The following PRKG1 variants were observed in gnomAD, a reference collection of about 807,000 sequenced individuals.
PRKG1 encodes the protein cGMP-dependent protein kinase 1.
A neutral mutation model predicts 88.1 loss-of-function variants in PRKG1; 35 were observed. That is an observed-to-expected ratio of 0.40 (90% CI 0.30 to 0.53). The LOEUF is 0.53. Among genes scored for constraint, PRKG1 ranks in the 20% least tolerant of loss-of-function variants. The pLI is 0.59. For synonymous variants in PRKG1, 303 were observed against 292.5 expected (o/e 1.04, Z -0.37); for missense variants, 540 against 839.8 (o/e 0.64, Z 4.41).
intron 1 of PRKG1, among the ~76,000 whole-genome samples, chr10:51,039,873 C>T (rs550303064): frequency 7.2e-5 from 11 of 152,128 alleles, no homozygotes; most frequent in East Asian, 5.8e-4. Flanking sequence ...GTGTCGGAAG[C>T]GAATTCACTG....
chr10:52,122,503 C>A (rs1847843291), intron 7 of PRKG1, among the ~76,000 whole-genome samples: 1 of 152,138 alleles, frequency 6.6e-6, no homozygotes, highest in South Asian at 2.1e-4. Context: ...TGTCTGAAAA[C>A]CACCAGATTT....
chr10:52,141,459 C>T (rs1173820754), intron 8 of PRKG1, among the ~76,000 whole-genome samples: 1 of 152,040 alleles, frequency 6.6e-6, no homozygotes, highest in Non-Finnish European at 1.5e-5. Context: ...GACTGGGATG[C>T]CCAGACTGTT....
In PRKG1 at chr10:51,900,824, C is replaced by T. The variant is rs1341503479; in HGVS notation, c.699-6683C>T. Among the ~76,000 whole-genome samples, 8 of 152,072 alleles carry T rather than the reference C, an allele frequency of 5.3e-5. No homozygotes were observed. The South Asian group carries it at 8.3e-4, about 16-fold the overall frequency. ...TGTTCCATGAAAAAAGTGGCTAACTCGGCTTGTAACTCCAACAACCATTCA... is the reference window on the plus strand; with the variant it reads ...TGTTCCATGAAAAAAGTGGCTAACTTGGCTTGTAACTCCAACAACCATTCA... On this transcript the variant is annotated intron_variant, in intron 4 of 17. Transcript: ENST00000373980.
chr10:51,979,413 T>TTTTG (rs1340880165), intron 5 of PRKG1, among the ~76,000 whole-genome samples: 2 of 131,956 alleles, frequency 1.5e-5, no homozygotes, highest in East Asian at 4.4e-4. Context: ...TTGGTCTGTT[T>TTTTG]TTTTTTTTTT....
At chr10:51,040,300 T>C (rs1019423177) in intron 1 of PRKG1, among the ~76,000 whole-genome samples, 2 of 144,788 alleles carry the variant, frequency 1.4e-5, no homozygotes, top group African/African-American at 5.0e-5. Flanking sequence ...CTTGCTTTTT[T>C]TTCTTTTTCT....
At chr10:51,978,110 A>G (rs1261218240) in intron 5 of PRKG1, among the ~76,000 whole-genome samples, 1 of 151,880 alleles carries the variant, frequency 6.6e-6, no homozygotes, top group Non-Finnish European at 1.5e-5. Context: ...TGAGTTTTAC[A>G]TTTAAGTCTT....
intron 2 of PRKG1, among the ~76,000 whole-genome samples, chr10:51,211,405 C>G (rs1838216449): frequency 1.3e-5 from 2 of 152,150 alleles, no homozygotes; most frequent in African/African-American, 4.8e-5. Context: ...AAAACTGGCA[C>G]AAGACAGGGA....
chr10:51,497,765 T>G (rs1470920346), intron 3 of PRKG1, among the ~76,000 whole-genome samples: 1 of 152,180 alleles, frequency 6.6e-6, no homozygotes, highest in African/African-American at 2.4e-5. Flanking sequence ...AAAATCTAAC[T>G]CTCACGGGAC....
At chr10:51,526,450 G>T (rs1157901025) in intron 3 of PRKG1, among the ~76,000 whole-genome samples, 2 of 152,108 alleles carry the variant, frequency 1.3e-5, no homozygotes, top group African/African-American at 2.4e-5. Flanking sequence ...CACATTTGTC[G>T]TGGTTCACAC....
intron 5 of PRKG1, among the ~76,000 whole-genome samples, chr10:52,022,765 C>T (rs73341244): frequency 0.013 from 2,014 of 152,024 alleles, 55 homozygotes; most frequent in African/African-American, 0.046. Flanking sequence ...TTGTATGGAG[C>T]ATGACATATA....
intron 1 of PRKG1, among the ~76,000 whole-genome samples, chr10:51,038,937 G>A (rs1424101620): frequency 1.3e-5 from 2 of 152,152 alleles, no homozygotes; most frequent in Non-Finnish European, 2.9e-5. Context: ...AATATGTAGA[G>A]TAAGAATCCC....
At position 52,294,462 on chromosome 10, in the gene PRKG1, A is replaced by C. The variant is rs1842338508; in HGVS notation, c.*562A>C. On this transcript the variant is annotated 3_prime_UTR_variant, in exon 18 of 18. Transcript: ENST00000373980. ...AAGTTTCATGATTTTATTTCCCAGCAGTGCTGATGACAAGACTGAATGTTA... is the reference window on the plus strand; with the variant it reads ...AAGTTTCATGATTTTATTTCCCAGCCGTGCTGATGACAAGACTGAATGTTA... 6.6e-6 allele frequency: 1 copy of C among 152,558 alleles called. No individual in the cohort carries two copies. Among genetic ancestry groups the C allele is most frequent in the African/African-American group, 2.4e-5 (1 of 41,460 alleles). The allele number at this position is 152,558 out of a possible 1,614,324, so 9.5% of individuals were successfully genotyped here.
At chr10:51,019,808 A>G (rs1182731903) in intron 1 of PRKG1, among the ~76,000 whole-genome samples, 1 of 152,028 alleles carries the variant, frequency 6.6e-6, no homozygotes, top group East Asian at 1.9e-4. Context: ...AAACAAAACA[A>G]AAAAAAACTC....
intron 4 of PRKG1, among the ~76,000 whole-genome samples, chr10:51,845,229 T>G (rs1840369103): frequency 6.6e-6 from 1 of 152,150 alleles, no homozygotes; most frequent in Non-Finnish European, 1.5e-5. Context: ...TCTGCATGTC[T>G]GGGATGGCCT....
chr10:51,815,662 G>A (rs1839565389), intron 4 of PRKG1, among the ~76,000 whole-genome samples: 1 of 152,152 alleles, frequency 6.6e-6, no homozygotes, highest in Non-Finnish European at 1.5e-5. Flanking sequence ...GTCAGAATTA[G>A]CATCATAGGT....
chr10:52,258,857 TAGA>T (rs1373746613), intron 10 of PRKG1, among the ~76,000 whole-genome samples: 2 of 151,990 alleles, frequency 1.3e-5, no homozygotes, highest in African/African-American at 4.8e-5. Context: ...ATTGATGGAA[TAGA>T]AGAAGGCCTG....
At chr10:52,291,735 CAGCATGATTTAT>C (rs1391682057) in intron 17 of PRKG1, among the ~76,000 whole-genome samples, 8 of 116,106 alleles carry the variant, frequency 6.9e-5, no homozygotes, top group African/African-American at 4.3e-4. Flanking sequence ...GTCTTTATAG[CAGCATGATTTAT>C]AGTCATTTGG....
rs563693055 is a variant in PRKG1, at chr10:51,946,274, C to A, written c.762+38704C>A. 6.8e-4 allele frequency among the ~76,000 whole-genome samples: 103 copies of A among 152,216 alleles called. 1 individual carries two copies. Among genetic ancestry groups the A allele is most frequent in the African/African-American group, 2.4e-3 (98 of 41,458 alleles). Reference sequence around the variant, plus strand: ...CATCGGCTCCTGAGCCTTCTGCATTCTTCCCATAGTTCTCGAGCCTTGGCT... The same window carrying A: ...CATCGGCTCCTGAGCCTTCTGCATTATTCCCATAGTTCTCGAGCCTTGGCT... On this transcript the variant is annotated intron_variant, in intron 5 of 17. Coordinates refer to ENST00000373980, the MANE Select transcript of PRKG1 (RefSeq NM_006258.4).
intron 2 of PRKG1, among the ~76,000 whole-genome samples, chr10:51,267,172 A>G (rs1839857399): frequency 6.6e-6 from 1 of 152,144 alleles, no homozygotes; most frequent in African/African-American, 2.4e-5. Context: ...TTCTATGTGT[A>G]TTTCCAAAAA....
Sources: gnomAD v4.1 joint callset for allele counts (sites outside exome capture counted in the v4.1 genomes callset) on GRCh38, gnomAD v4.1.1 for gene constraint, MANE v1.5 for transcripts, NCBI Gene and HGNC (gene_info 2026-07-23, HGNC 2026-07-21) for gene names.